IQGAP2: variants seen among roughly 807,000 people sequenced by gnomAD.
IQGAP2 encodes ras GTPase-activating-like protein IQGAP2.
Under a neutral mutation model 201.3 loss-of-function variants are expected in IQGAP2, and 173 were observed. The observed-to-expected ratio is 0.86, with a 90% CI of 0.76 to 0.98. IQGAP2 has a LOEUF of 0.98. Among genes scored for constraint, IQGAP2 ranks in the 50% least tolerant of loss-of-function variants. IQGAP2 has a pLI of 0.00. For synonymous variants in IQGAP2, 675 were observed against 673.9 expected (o/e 1.00, Z -0.03); for missense variants, 1,687 against 1,864.8 (o/e 0.90, Z 1.76).
At chr5:76,416,899 G>A (rs1751437863) in intron 1 of IQGAP2, among the ~76,000 whole-genome samples, 1 of 152,128 alleles carries the variant, frequency 6.6e-6, no homozygotes, top group South Asian at 2.1e-4. Flanking sequence ...CATCATCACA[G>A]CTCACTGCAG....
chr5:76,535,956 T>C (rs1427432144), intron 2 of IQGAP2, among the ~76,000 whole-genome samples: 1 of 151,442 alleles, frequency 6.6e-6, no homozygotes, highest in African/African-American at 2.5e-5. Context: ...CTGTGGTTGA[T>C]GAAAACATAA....
At chr5:76,488,212 T>C (rs1237979905) in intron 2 of IQGAP2, among the ~76,000 whole-genome samples, 2 of 152,192 alleles carry the variant, frequency 1.3e-5, no homozygotes, top group Admixed American at 1.3e-4. Context: ...CTCATTTAAA[T>C]TATTATAAAT....
At chr5:76,636,692 T>C (rs1401801758) in intron 15 of IQGAP2, among the ~76,000 whole-genome samples, 1 of 152,252 alleles carries the variant, frequency 6.6e-6, no homozygotes, top group Admixed American at 6.5e-5. Flanking sequence ...TGGTCTCCTT[T>C]GTCTACATGT....
chr5:76,679,152 T>G (rs1277336320), intron 28 of IQGAP2, among the ~76,000 whole-genome samples: 1 of 152,230 alleles, frequency 6.6e-6, no homozygotes, highest in Non-Finnish European at 1.5e-5. Context: ...GGGTGCACAT[T>G]TGCTGAATGC....
chr5:76,490,594 T>C (rs1174838905), intron 2 of IQGAP2, among the ~76,000 whole-genome samples: 1 of 152,138 alleles, frequency 6.6e-6, no homozygotes, highest in Non-Finnish European at 1.5e-5. Flanking sequence ...AACCCTAAGG[T>C]CCCACTCAAG....
chr5:76,509,489 C>T (rs1273774700), intron 2 of IQGAP2, among the ~76,000 whole-genome samples: 8 of 151,860 alleles, frequency 5.3e-5, no homozygotes, highest in African/African-American at 7.2e-5. Context: ...CTCCGCCTCC[C>T]GGTTTCACGC....
At chr5:76,482,471 A>T (rs1333859132) in intron 2 of IQGAP2, among the ~76,000 whole-genome samples, 1 of 152,230 alleles carries the variant, frequency 6.6e-6, no homozygotes, top group African/African-American at 2.4e-5. Context: ...AAATTAAGAC[A>T]TGCCCACACT....
At position 76,672,018 on chromosome 5, in the gene IQGAP2, T is replaced by C. The variant is rs78751053; in HGVS notation, c.3068+35T>C. On this transcript the variant is annotated intron_variant, in intron 24 of 35. Transcript: ENST00000274364. ...TCAGGAAGGTGTTGGTCTTCTGTTA[T>C]GTTTTATGATATTTTTACATGTGTA... 144 of 1,475,498 alleles carry C rather than the reference T, an allele frequency of 9.8e-5. No homozygotes were observed. In the East Asian group the frequency reaches 3.2e-3, roughly 32 times the overall value. 91.4% of individuals were successfully genotyped at this position (1,475,498 alleles called of 1,614,324 possible). A position where few individuals can be genotyped will look rare whatever the true frequency, so the allele number is the denominator to read the frequency against.
chr5:76,599,808 G>A (rs62362020), intron 10 of IQGAP2, among the ~76,000 whole-genome samples: 25,203 of 151,882 alleles, frequency 0.17, 2,250 homozygotes, highest in Admixed American at 0.28. Context: ...TTCCTTAGTG[G>A]TTCTTTTTCA....
intron 3 of IQGAP2, among the ~76,000 whole-genome samples, chr5:76,568,538 G>A (rs1421324281): frequency 6.6e-6 from 1 of 152,174 alleles, no homozygotes; most frequent in Non-Finnish European, 1.5e-5. Context: ...GGGTGTCTTT[G>A]TTACATAATT....
chr5:76,504,145 A>T (rs1295903920), intron 2 of IQGAP2, among the ~76,000 whole-genome samples: 2 of 152,176 alleles, frequency 1.3e-5, no homozygotes, highest in Non-Finnish European at 2.9e-5. Flanking sequence ...GCTTCCTCCA[A>T]ACAGTAATAG....
rs1252116473 is a variant in IQGAP2, at chr5:76,461,463, CTGAA to C, written c.47-104_47-101del. The C allele has an allele frequency of 3.7e-5, 24 of 656,020 alleles. 2 individuals carry two copies. Among genetic ancestry groups the C allele is most frequent in the East Asian group, 2.0e-4 (7 of 34,694 alleles). The allele number at this position is 656,020 out of a possible 1,614,324, so 40.6% of individuals were successfully genotyped here. ...GCCTGGTGTTTCAATACTCCTGTCT[CTGAA>C]TGTTAAATGTTCAGCTGCATATGAT... On this transcript the variant is annotated intron_variant, in intron 1 of 35. Transcript: ENST00000274364.
intron 28 of IQGAP2, among the ~76,000 whole-genome samples, chr5:76,680,024 G>A (rs1355962507): frequency 6.6e-6 from 1 of 152,194 alleles, no homozygotes; most frequent in Admixed American, 6.5e-5. Context: ...CTCTCCATGT[G>A]TCAGGGAAAT....
At chr5:76,524,227 TGCTATACCTTAGCCAGAA>T (rs1758846907) in intron 2 of IQGAP2, among the ~76,000 whole-genome samples, 2 of 152,244 alleles carry the variant, frequency 1.3e-5, no homozygotes, top group African/African-American at 4.8e-5. Context: ...GAATGAAGTA[TGCTATACCTTAGCCAGAA>T]GCCTCACTTC....
intron 2 of IQGAP2, among the ~76,000 whole-genome samples, chr5:76,519,515 T>A (rs1402977579): frequency 6.6e-6 from 1 of 152,232 alleles, no homozygotes; most frequent in African/African-American, 2.4e-5. Context: ...ATACAGAGTT[T>A]TGTGTGAATA....
intron 1 of IQGAP2, among the ~76,000 whole-genome samples, chr5:76,427,853 A>G (rs1209292995): frequency 6.6e-6 from 1 of 152,238 alleles, no homozygotes; most frequent in Non-Finnish European, 1.5e-5. Context: ...CGGGGGCAGC[A>G]TAAGCTTTCA....
intron 13 of IQGAP2, among the ~76,000 whole-genome samples, chr5:76,613,952 C>T (rs1748651333): frequency 6.6e-6 from 1 of 152,162 alleles, no homozygotes; most frequent in South Asian, 2.1e-4. Context: ...CTCGGCCTCC[C>T]AAAGTGCTGG....
In IQGAP2 at chr5:76,611,081, A is replaced by C. The variant is rs753798820; in HGVS notation, c.1419A>C (p.Leu473Phe). Residue 473 changes from leucine to phenylalanine, a missense_variant, in exon 13 of 36, where the codon TTA (leucine) becomes TTC (phenylalanine). Transcript: ENST00000274364. ...AIDEGNPLRT[L>F]ETLLLPTANI... The stretch of plus-strand genomic sequence containing the variant: ...ATGAAGGGAATCCTTTGAGGACTTT[A>C]GAAACTTTGCTCCTACCTACTGCGA... The C allele has an allele frequency of 6.2e-7, 1 of 1,613,902 alleles. No individual in the cohort carries two copies. Among genetic ancestry groups the C allele is most frequent in the East Asian group, 2.2e-5 (1 of 44,878 alleles).
At chr5:76,649,299 T>C (rs1752328153) in intron 17 of IQGAP2, among the ~76,000 whole-genome samples, 1 of 152,114 alleles carries the variant, frequency 6.6e-6, no homozygotes, top group African/African-American at 2.4e-5. Context: ...ACCCAGACAC[T>C]TGTAGAACCT....
Sources: gnomAD v4.1 joint callset for allele counts (sites outside exome capture counted in the v4.1 genomes callset) on GRCh38, gnomAD v4.1.1 for gene constraint, MANE v1.5 for transcripts, NCBI Gene and HGNC (gene_info 2026-07-23, HGNC 2026-07-21) for gene names.